LEPR: variants seen among roughly 807,000 people sequenced by gnomAD.
LEPR encodes leptin receptor.
Under a neutral mutation model 114.7 loss-of-function variants are expected in LEPR, and 56 were observed. The ratio of observed to expected loss-of-function variants is 0.49; its 90% CI spans 0.39 to 0.61. The LOEUF is 0.61. Ranked by LOEUF, LEPR falls within the 20% of genes least tolerant of loss-of-function variation. LEPR has a pLI of 0.00. For missense variants in LEPR, 1,202 were observed against 1,352.9 expected (o/e 0.89, Z 1.75); for synonymous variants, 443 against 461.4 (o/e 0.96, Z 0.51).
At chr1:65,628,202 CAG>C (rs1438487383) in intron 19 of LEPR, among the ~76,000 whole-genome samples, 1 of 152,082 alleles carries the variant, frequency 6.6e-6, no homozygotes, top group African/African-American at 2.4e-5. Context: ...AATTTCCTGC[CAG>C]ATCTTTTTTC....
intron 2 of LEPR, among the ~76,000 whole-genome samples, chr1:65,507,534 T>TGG (rs1292248706): frequency 2.4e-5 from 2 of 84,966 alleles, no homozygotes; most frequent in East Asian, 4.0e-4. Context: ...TATATATATG[T>TGG]GTGTATATAT....
In LEPR at chr1:65,582,442, C is replaced by T. The variant is rs181808853; in HGVS notation, c.494+9993C>T. On this transcript the variant is annotated intron_variant, in intron 5 of 19. Transcript: ENST00000349533. ...AGGGCCTCAGTTCCTCCCTGGCTAT[C>T]GGCTGGAGACCTCCTTCAGTTCCTT... Among the ~76,000 whole-genome samples, 232 of 152,256 alleles carry T rather than the reference C, an allele frequency of 1.5e-3. 3 individuals are homozygous for T. Among genetic ancestry groups the T allele is most frequent in the East Asian group, 3.3e-3 (17 of 5,182 alleles).
chr1:65,607,363 G>T (rs1423368237), intron 11 of LEPR, among the ~76,000 whole-genome samples: 1 of 152,082 alleles, frequency 6.6e-6, no homozygotes, highest in African/African-American at 2.4e-5. Flanking sequence ...CAAGAGGAGG[G>T]CCATTCCAGC....
chr1:65,429,541 A>G (rs1462683401), intron 2 of LEPR, among the ~76,000 whole-genome samples: 1 of 152,206 alleles, frequency 6.6e-6, no homozygotes, highest in African/African-American at 2.4e-5. Context: ...ACTATGTTCT[A>G]TAGGGAAGGC....
At chr1:65,571,654 TAAAA>T (rs377763359) in intron 4 of LEPR, among the ~76,000 whole-genome samples, 1 of 131,254 alleles carries the variant, frequency 7.6e-6, no homozygotes. Context: ...TGTCTAATGT[TAAAA>T]AAAAAAAAAA....
At position 65,636,273 on chromosome 1, in the gene LEPR, C is replaced by T; in HGVS notation, c.2756C>T (p.Ser919Leu). The T allele has an allele frequency of 6.2e-7, 1 of 1,613,882 alleles. No individual in the cohort carries two copies. The highest frequency in any genetic ancestry group is 8.5e-7 in the Non-Finnish European group (1 of 1,179,894). Residue 919 changes from serine to leucine, a missense_variant, in exon 20 of 20, where the codon TCA becomes TTA. By Grantham distance (145) the Ser-to-Leu change is moderately radical. Coordinates refer to ENST00000349533, the MANE Select transcript of LEPR (RefSeq NM_002303.6). ...CTTCTTTTGGAGCCTGAAACAATTT[C>T]AGAAGATATCAGTGTTGATACATCA... ...GPLLLEPETI[S>L]EDISVDTSWK...
At chr1:65,530,956 C>T (rs1015233422) in intron 2 of LEPR, among the ~76,000 whole-genome samples, 4 of 79,082 alleles carry the variant, frequency 5.1e-5, no homozygotes, top group Admixed American at 4.0e-4. Flanking sequence ...TATTTTTTGC[C>T]CTCTTCAATA....
At chr1:65,571,654 T>TA (rs377763359) in intron 4 of LEPR, among the ~76,000 whole-genome samples, 2,935 of 131,220 alleles carry the variant, frequency 0.022, 36 homozygotes, top group Non-Finnish European at 0.033. Context: ...TGTCTAATGT[T>TA]AAAAAAAAAA....
chr1:65,596,386 A>G, intron 6 of LEPR, 62 bp from the exon 7 acceptor site: 2 of 1,588,480 alleles, frequency 1.3e-6, no homozygotes, highest in Non-Finnish European at 1.7e-6. Flanking sequence ...ACTTTATTTT[A>G]TTCAGCTATA....
rs374754071 is a variant in LEPR, at chr1:65,525,112, A to G, written c.-20-40434A>G. ...AATGCCCTCTTCAGCCTTCCTGATA[A>G]GCATGACGAAGATGCTGGCGGAAGC... is the stretch of plus-strand genomic sequence containing the variant. On this transcript the variant is annotated intron_variant, in intron 2 of 19. Coordinates refer to ENST00000349533, the MANE Select transcript of LEPR (RefSeq NM_002303.6). 1.9e-4 allele frequency among the ~76,000 whole-genome samples: 29 copies of G among 152,348 alleles called. No individual in the cohort carries two copies. In the East Asian group the frequency reaches 3.7e-3, roughly 19 times the overall value.
intron 2 of LEPR, among the ~76,000 whole-genome samples, chr1:65,547,656 C>A (rs1488316046): frequency 1.3e-5 from 2 of 150,338 alleles, no homozygotes; most frequent in Non-Finnish European, 3.0e-5. Flanking sequence ...TGGTGATATC[C>A]CCTTTATCAT....
At chr1:65,610,440 G>T (rs921094073) in intron 14 of LEPR, 144 bp downstream of exon 14, 6 of 740,628 alleles carry the variant, frequency 8.1e-6, no homozygotes, top group Non-Finnish European at 1.3e-5. Context: ...TTTAAAGAGA[G>T]CTAAGATGTA....
At chr1:65,571,618 C>T (rs1328253579) in intron 4 of LEPR, among the ~76,000 whole-genome samples, 11 of 147,580 alleles carry the variant, frequency 7.5e-5, no homozygotes, top group Middle Eastern at 3.2e-3. Flanking sequence ...CTCCCTCAGA[C>T]CTTGTTATGA....
intron 2 of LEPR, among the ~76,000 whole-genome samples, chr1:65,482,291 A>G (rs909267351): frequency 1.3e-5 from 2 of 152,210 alleles, no homozygotes; most frequent in Non-Finnish European, 2.9e-5. Flanking sequence ...ATCTACTCAA[A>G]TGGAACAATA....
At chr1:65,611,482 A>G (rs140164682) in intron 14 of LEPR, among the ~76,000 whole-genome samples, 2 of 152,332 alleles carry the variant, frequency 1.3e-5, no homozygotes, top group East Asian at 3.9e-4. Flanking sequence ...GCAAACTTCT[A>G]CAGTGAAGGA....
intron 2 of LEPR, among the ~76,000 whole-genome samples, chr1:65,547,392 C>G (rs1651840955): frequency 6.6e-6 from 1 of 152,008 alleles, no homozygotes. Flanking sequence ...GTACCAGTTC[C>G]TCCTTGTACC....
Position 65,610,261 on chromosome 1 carries a change from A to G in LEPR, c.1960A>G (p.Met654Val). The change falls in exon 14 of 20, where the codon ATG becomes GTG. Residue 654 changes from methionine (M) to valine (V), a missense_variant. Met to Val is a conservative substitution (Grantham distance 21). Coordinates refer to ENST00000349533, the MANE Select transcript of LEPR (RefSeq NM_002303.6). ...EFWRIINGDTMKKEKNVTLLW... is the reference protein window; with the variant it reads ...EFWRIINGDTVKKEKNVTLLW... ...TTGGAGAATAATTAATGGAGATACT[A>G]TGAAAAAGGAGAAAAATGTCACTTT... 2.5e-6 allele frequency: 4 copies of G among 1,613,782 alleles called. No individual in the cohort carries two copies. In the South Asian group the frequency reaches 3.3e-5, roughly 13 times the overall value.
intron 2 of LEPR, among the ~76,000 whole-genome samples, chr1:65,443,452 T>C (rs1193718620): frequency 6.6e-6 from 1 of 150,574 alleles, no homozygotes; most frequent in Non-Finnish European, 1.5e-5. Context: ...TATATATATA[T>C]AATTTTATAT....
At chr1:65,608,186 T>C (rs1395283471) in intron 11 of LEPR, among the ~76,000 whole-genome samples, 2 of 148,890 alleles carry the variant, frequency 1.3e-5, no homozygotes, top group Non-Finnish European at 3.0e-5. Flanking sequence ...TAAAGTTCAA[T>C]GGAGAACAGT....
Sources: allele counts gnomAD v4.1 joint callset (sites outside exome capture counted in the v4.1 genomes callset), GRCh38; gene constraint gnomAD v4.1.1; transcripts MANE v1.5; gene names NCBI Gene and HGNC (gene_info 2026-07-23, HGNC 2026-07-21).